Variants in FYN observed in about 807,000 individuals in gnomAD.
FYN encodes the protein FYN proto-oncogene, Src family tyrosine kinase.
In FYN, 10 loss-of-function variants were observed where a neutral mutation model predicts 70.2. The observed-to-expected ratio is 0.14, with a 90% CI of 0.09 to 0.24. The LOEUF (loss-of-function observed/expected upper bound fraction) is 0.24. Ranked by LOEUF, FYN falls within the 10% of genes least tolerant of loss-of-function variation. The pLI, the probability that FYN is intolerant of heterozygous loss-of-function variation, is 1.00. For missense variants in FYN, 319 were observed against 673.1 expected (o/e 0.47, Z 5.82); for synonymous variants, 236 against 248.6 (o/e 0.95, Z 0.48).
chr6:111,759,495 G>A (rs893254809), intron 3 of FYN, among the ~76,000 whole-genome samples: 3 of 152,140 alleles, frequency 2.0e-5, no homozygotes, highest in South Asian at 2.1e-4. Flanking sequence ...CTAACCGAAC[G>A]GAGGCTGTCC....
intron 3 of FYN, among the ~76,000 whole-genome samples, chr6:111,724,689 T>A (rs949927495): frequency 6.6e-6 from 1 of 152,198 alleles, no homozygotes; most frequent in African/African-American, 2.4e-5. Context: ...CAAATAACTT[T>A]AATTTCAGGG....
chr6:111,779,401 A>G (rs761113643), intron 3 of FYN, among the ~76,000 whole-genome samples: 32 of 152,178 alleles, frequency 2.1e-4, no homozygotes, highest in East Asian at 3.8e-4. Flanking sequence ...ACGTAAAATC[A>G]AAAGAAAGGT....
rs957823728 is a variant in FYN, at chr6:111,836,132, T to C, written c.-82+10457A>G. 3.0e-4 allele frequency among the ~76,000 whole-genome samples: 46 copies of C among 152,188 alleles called. 1 individual carries two copies. Among genetic ancestry groups the C allele is most frequent in the Admixed American group, 2.7e-3 (42 of 15,282 alleles). On this transcript the variant is annotated intron_variant, in intron 2 of 13. Coordinates refer to ENST00000354650, the MANE Select transcript of FYN (RefSeq NM_002037.5). ...GTGAAGGTGATTCCAAAGTGAAAGGTGACAAGAACTGGTCTCAGGGACCTG... is the reference window on the plus strand; with the variant it reads ...GTGAAGGTGATTCCAAAGTGAAAGGCGACAAGAACTGGTCTCAGGGACCTG...
chr6:111,864,413 G>C (rs144099706), intron 1 of FYN, among the ~76,000 whole-genome samples: 1 of 152,290 alleles, frequency 6.6e-6, no homozygotes, highest in African/African-American at 2.4e-5. Flanking sequence ...GTACCTCCTA[G>C]AATTGTGCTG....
In FYN at chr6:111,842,410, A is replaced by G. The variant is rs375070309; in HGVS notation, c.-82+4179T>C. Among the ~76,000 whole-genome samples, 102 of 152,148 alleles carry G rather than the reference A, an allele frequency of 6.7e-4. 1 individual carries two copies. The highest frequency in any genetic ancestry group is 2.4e-3 in the African/African-American group (98 of 41,512). ...CACTCAGGAAGCAATGGCTCCCACA[A>G]ATGGCAGGGAGTTGTGCTTATGCTA... On this transcript the variant is annotated intron_variant, in intron 2 of 13. Transcript: ENST00000354650.
chr6:111,706,573 T>C (rs1800103416), intron 6 of FYN, among the ~76,000 whole-genome samples: 1 of 152,206 alleles, frequency 6.6e-6, no homozygotes, highest in Admixed American at 6.5e-5. Flanking sequence ...TAGAATGCCG[T>C]GTAAAACAGT....
At chr6:111,872,517 C>T (rs1191365119) in intron 1 of FYN, among the ~76,000 whole-genome samples, 1 of 135,036 alleles carries the variant, frequency 7.4e-6, no homozygotes, top group Non-Finnish European at 1.6e-5. Context: ...AGGGAGGAGG[C>T]CGAGAGGTGG....
In FYN at chr6:111,674,503, G is replaced by A. The variant is rs1212965963; in HGVS notation, c.1401C>T (p.Tyr467=). 1 of 1,612,816 alleles carries A rather than the reference G, an allele frequency of 6.2e-7. No homozygotes were observed. The highest frequency in any genetic ancestry group is 8.5e-7 in the Non-Finnish European group (1 of 1,179,344). The part of the protein sequence containing the change: ...TELVTKGRVP[Y]PGMNNREVLE... ...TCTGTGAGGCCCTGCTCTTACCTGG[G>A]TATGGCACTCTTCCTTTGGTGACCA... Residue 467 remains tyrosine, a synonymous_variant, in exon 13 of 14, where the codon TAC becomes TAT. Transcript: ENST00000354650.
chr6:111,749,879 A>G (rs1802406097), intron 3 of FYN, among the ~76,000 whole-genome samples: 1 of 152,164 alleles, frequency 6.6e-6, no homozygotes, highest in African/African-American at 2.4e-5. Flanking sequence ...AATGACCTAC[A>G]TGATGGAAAA....
At chr6:111,795,963 T>C (rs543516301) in intron 2 of FYN, among the ~76,000 whole-genome samples, 18 of 152,210 alleles carry the variant, frequency 1.2e-4, no homozygotes, top group Non-Finnish European at 2.4e-4. Context: ...ATAGCTAACA[T>C]TTACTAAATA....
intron 2 of FYN, among the ~76,000 whole-genome samples, chr6:111,842,313 G>T (rs943054466): frequency 3.3e-5 from 5 of 152,314 alleles, no homozygotes; most frequent in South Asian, 2.1e-4. Context: ...CATAGGAACT[G>T]CCCTGTCCAG....
At chr6:111,758,368 C>G (rs929902685) in intron 3 of FYN, among the ~76,000 whole-genome samples, 6 of 152,160 alleles carry the variant, frequency 3.9e-5, no homozygotes, top group Non-Finnish European at 5.9e-5. Flanking sequence ...ATGTGCGTGA[C>G]TATCTCTGTG....
chr6:111,674,563 A>G lies in FYN; in HGVS notation c.1341T>C (p.Ser447=). The G allele has an allele frequency of 6.2e-7, 1 of 1,614,098 alleles. No individual in the cohort carries two copies. The highest frequency in any genetic ancestry group is 1.3e-5 in the African/African-American group (1 of 75,044). Residue 447 remains serine (S), a synonymous_variant, in exon 13 of 14, where the codon TCT becomes TCC. Coordinates refer to ENST00000354650, the MANE Select transcript of FYN (RefSeq NM_002037.5). ...GTAAGATTCCAAAAGACCACACGTC[A>G]GACTTGATTGTGAACCTCCCGTACA... The part of the protein sequence containing the change: ...AALYGRFTIK[S]DVWSFGILLT...
intron 10 of FYN, among the ~76,000 whole-genome samples, chr6:111,695,003 A>G (rs909616216): frequency 1.3e-5 from 2 of 152,224 alleles, no homozygotes; most frequent in African/African-American, 4.8e-5. Context: ...AGAGGAACCT[A>G]TGAAGAACTG....
chr6:111,866,631 C>T (rs1288760840), intron 1 of FYN, among the ~76,000 whole-genome samples: 3 of 152,232 alleles, frequency 2.0e-5, no homozygotes, highest in Non-Finnish European at 4.4e-5. Context: ...CGTGAGCCCC[C>T]GTGCCCGGCC....
intron 12 of FYN, among the ~76,000 whole-genome samples, chr6:111,685,017 GAAAAC>G (rs569044412): frequency 2.3e-3 from 350 of 152,304 alleles, no homozygotes; most frequent in Non-Finnish European, 3.8e-3. Context: ...TCTGTAAAGA[GAAAAC>G]AAAACAAAAC....
intron 2 of FYN, among the ~76,000 whole-genome samples, chr6:111,813,621 T>C (rs1215551734): frequency 6.6e-6 from 1 of 152,188 alleles, no homozygotes. Flanking sequence ...CACACCATAA[T>C]GAGAAGTTGC....
intron 3 of FYN, among the ~76,000 whole-genome samples, chr6:111,722,129 C>T (rs2128463892): frequency 6.6e-6 from 1 of 152,280 alleles, no homozygotes; most frequent in South Asian, 2.1e-4. Context: ...GGAGCAGTAT[C>T]AGACTGTTCT....
intron 12 of FYN, among the ~76,000 whole-genome samples, chr6:111,686,537 T>A (rs1304501565): frequency 6.6e-6 from 1 of 152,220 alleles, no homozygotes; most frequent in African/African-American, 2.4e-5. Context: ...GGGAACACAC[T>A]AGTCGGTGCT....
Sources: allele counts gnomAD v4.1 joint callset (sites outside exome capture counted in the v4.1 genomes callset), GRCh38; gene constraint gnomAD v4.1.1; transcripts MANE v1.5; gene names NCBI Gene and HGNC (gene_info 2026-07-23, HGNC 2026-07-21).